The following MLF1 variants were observed in gnomAD, a reference collection of about 807,000 sequenced individuals.
The protein encoded by MLF1 is myeloid leukemia factor 1.
In MLF1, 37 loss-of-function variants were observed where a neutral mutation model predicts 38.3. The ratio of observed to expected loss-of-function variants is 0.96; its 90% confidence interval spans 0.74 to 1.27. The LOEUF is 1.27. MLF1 is among the 50% of genes most tolerant of loss of function. MLF1 has a pLI of 0.00. For missense variants in MLF1, 331 were observed against 349.2 expected, an observed-to-expected ratio of 0.95 and a Z score of 0.42; for synonymous variants, 95 against 106.5, an observed-to-expected ratio of 0.89 and a Z score of 0.66.
At chr3:158,571,451 G>T in intron 1 of MLF1, 104 bp downstream of exon 1, 1 of 1,426,130 alleles carries the variant, frequency 7.0e-7, no homozygotes, top group South Asian at 1.2e-5. Flanking sequence ...GAGAGAATTC[G>T]GAGTAACTCT....
Position 158,571,371 on chromosome 3 carries a change from C to T in MLF1, c.47+24C>T, listed in dbSNP as rs953563006. 4.3e-6 allele frequency: 7 copies of T among 1,612,546 alleles called. No individual in the cohort carries two copies. The East Asian group carries it at 6.7e-5, about 15-fold the overall frequency. On this transcript the variant is annotated intron_variant, in intron 1 of 7. Transcript: ENST00000466246. ...TCGTGAGTTACGGGAGCCAGGAGTC[C>T]GGGGTCGCGCGGGAATTAAGGTATC...
chr3:158,601,004 A>C (rs1719666754), intron 6 of MLF1, among the ~76,000 whole-genome samples: 1 of 151,658 alleles, frequency 6.6e-6, no homozygotes, highest in Non-Finnish European at 1.5e-5. Context: ...ATCAATATTA[A>C]GCTTTTATAT....
chr3:158,581,677 A>T (rs1299465310), intron 1 of MLF1, among the ~76,000 whole-genome samples: 3 of 152,224 alleles, frequency 2.0e-5, no homozygotes, highest in African/African-American at 7.2e-5. Context: ...TACGAGGCAT[A>T]CTAAAAGGCA....
rs1188640734 is a variant in MLF1 at position 158,601,806 on chromosome 3, C to CTTTT, written c.614-984_614-981dup. Among the ~76,000 whole-genome samples, 401 of 95,978 alleles carry CTTTT rather than the reference C, an allele frequency of 4.2e-3. 5 individuals carry two copies. The highest frequency in any genetic ancestry group is 5.4e-3 in the East Asian group (16 of 2,954). 63.0% of individuals were successfully genotyped at this position (95,978 alleles called of 152,430 possible). On this transcript the variant is annotated intron_variant, in intron 6 of 7. Transcript: ENST00000466246. ...AACATTGGGGTTTGATAAAATTATT[C>CTTTT]TTTTTTTTTTTTTTTTTTTTGAGAC... is the stretch of plus-strand genomic sequence containing the variant.
intron 4 of MLF1, 131 bp downstream of exon 4, chr3:158,597,076 A>G (rs1430245873): frequency 1.8e-6 from 1 of 541,744 alleles, no homozygotes; most frequent in Non-Finnish European, 3.3e-6. Flanking sequence ...CCAATAAGCA[A>G]TATTTGTATA....
At chr3:158,573,044 G>A (rs1291675794) in intron 1 of MLF1, among the ~76,000 whole-genome samples, 1 of 151,574 alleles carries the variant, frequency 6.6e-6, no homozygotes, top group Non-Finnish European at 1.5e-5. Context: ...CTTATGGTGA[G>A]AATTATGTTC....
intron 4 of MLF1, among the ~76,000 whole-genome samples, chr3:158,597,509 CAAA>C (rs1719061830): frequency 6.6e-6 from 1 of 152,114 alleles, no homozygotes; most frequent in African/African-American, 2.4e-5. Flanking sequence ...ATATTAACAT[CAAA>C]ACCAGTCACT....
At chr3:158,592,400 C>A in intron 1 of MLF1, 34 bp from the exon 2 acceptor site, 1 of 1,567,848 alleles carries the variant, frequency 6.4e-7, no homozygotes, top group Non-Finnish European at 8.6e-7. Context: ...AACTCCAACA[C>A]TGAATCTTTC....
At chr3:158,583,407 A>G (rs947862617) in intron 1 of MLF1, among the ~76,000 whole-genome samples, 22 of 152,320 alleles carry the variant, frequency 1.4e-4, no homozygotes, top group African/African-American at 4.6e-4. Context: ...GAACTGTGAG[A>G]CAGTAAATGT....
Position 158,604,286 on chromosome 3 carries a change from G to A in MLF1, c.747-811G>A, listed in dbSNP as rs369335827. ...ATAGGAAATCCAGGTCGCACTTAGA[G>A]AAGGCATGCTCTTTATGGATGACCT... On this transcript the variant is annotated intron_variant, in intron 7 of 7. Transcript: ENST00000466246. Among the ~76,000 whole-genome samples, 81 of 152,342 alleles carry A rather than the reference G, an allele frequency of 5.3e-4. 1 individual carries two copies. In the South Asian group the frequency reaches 0.012, roughly 23 times the overall value.
intron 1 of MLF1, among the ~76,000 whole-genome samples, chr3:158,576,972 A>T (rs1321612316): frequency 6.6e-6 from 1 of 152,106 alleles, no homozygotes; most frequent in Admixed American, 6.5e-5. Context: ...CACCCAGCCA[A>T]CCTTAATTTT....
At chr3:158,573,627 G>A (rs919462296) in intron 1 of MLF1, among the ~76,000 whole-genome samples, 5 of 152,190 alleles carry the variant, frequency 3.3e-5, no homozygotes, top group South Asian at 4.1e-4. Flanking sequence ...GGGGAAATTT[G>A]TAATACTTTT....
In MLF1 at chr3:158,600,033, C is replaced by A. The variant is rs749958798; in HGVS notation, c.473C>A (p.Ala158Glu). 7.1e-7 allele frequency: 1 copy of A among 1,416,602 alleles called. No homozygotes were observed. Among genetic ancestry groups the A allele is most frequent in the Non-Finnish European group, 9.3e-7 (1 of 1,078,164 alleles). The allele number at this position is 1,416,602 out of a possible 1,614,324, so 87.8% of individuals were successfully genotyped here. The change falls in exon 6 of 8, where the codon GCA becomes GAA. Residue 158 changes from alanine to glutamate, a missense_variant. Transcript: ENST00000466246. ...APGGIKETRKAMRDSDSGLEK... is the reference protein window; with the variant it reads ...APGGIKETRKEMRDSDSGLEK... The stretch of plus-strand genomic sequence containing the variant: ...TTACAGATAAAGGAAACCAGGAAAG[C>A]AATGAGAGATTCTGACAGTGGACTA...
chr3:158,572,210 G>C (rs1321242813), intron 1 of MLF1, among the ~76,000 whole-genome samples: 1 of 120,474 alleles, frequency 8.3e-6, no homozygotes, highest in African/African-American at 3.3e-5. Context: ...AGGGTTGAGG[G>C]TGTGAGGTGA....
chr3:158,571,220 C>G lies in MLF1; in HGVS notation c.-81C>G, dbSNP rs143695805. On this transcript the variant is annotated 5_prime_UTR_variant, in exon 1 of 8. Transcript: ENST00000466246. ...AGTGAGGCGTCGTCCGTACTGGAGG[C>G]TAGCTCTTGTCGCGGCCGCGGCGAG... 1,323 of 1,181,260 alleles carry G rather than the reference C, an allele frequency of 1.1e-3. 16 individuals are homozygous for G. The African/African-American group carries it at 0.017, about 15-fold the overall frequency. The allele number at this position is 1,181,260 out of a possible 1,614,324, so 73.2% of individuals were successfully genotyped here. A position where few individuals can be genotyped will look rare whatever the true frequency, so the allele number is the denominator to read the frequency against.
chr3:158,581,147 A>G (rs1404817913), intron 1 of MLF1, among the ~76,000 whole-genome samples: 1 of 152,160 alleles, frequency 6.6e-6, no homozygotes, highest in Non-Finnish European at 1.5e-5. Flanking sequence ...CTCTTCAGGA[A>G]CCAGTGCGAG....
intron 6 of MLF1, among the ~76,000 whole-genome samples, 153 bp from the exon 7 acceptor site, chr3:158,602,654 G>A (rs1230503403): frequency 6.6e-6 from 1 of 152,184 alleles, no homozygotes; most frequent in South Asian, 2.1e-4. Context: ...TACTACTTTT[G>A]TCAAAGACCC....
intron 1 of MLF1, among the ~76,000 whole-genome samples, chr3:158,578,919 C>G (rs572094031): frequency 6.6e-6 from 1 of 152,116 alleles, no homozygotes; most frequent in South Asian, 2.1e-4. Flanking sequence ...TCGGACCACA[C>G]TTTATGGTTA....
chr3:158,592,686 T>G, intron 2 of MLF1, 105 bp downstream of exon 2: 1 of 974,352 alleles, frequency 1.0e-6, no homozygotes, highest in Admixed American at 2.8e-5. Flanking sequence ...ACTAATATTC[T>G]TGTTCTAGAA....
Sources: allele counts gnomAD v4.1 joint callset (sites outside exome capture counted in the v4.1 genomes callset), GRCh38; gene constraint gnomAD v4.1.1; transcripts MANE v1.5; gene names NCBI Gene and HGNC (gene_info 2026-07-23, HGNC 2026-07-21).